Variants in PM20D1 observed in about 807,000 individuals in gnomAD.
PM20D1 encodes the protein peptidase M20 domain containing 1.
A neutral mutation model predicts 53.8 loss-of-function variants in PM20D1; 53 were observed. The observed-to-expected ratio is 0.98, with a 90% CI of 0.79 to 1.24. PM20D1 has a LOEUF of 1.24. Ranked by LOEUF, PM20D1 falls within the 50% of genes most tolerant of loss-of-function variation. The probability of loss-of-function intolerance (pLI) is 0.00; values close to 1 mark genes in which losing one functional copy is unlikely to be tolerated. For missense variants in PM20D1, 564 were observed against 616.8 expected, an observed-to-expected ratio of 0.91 and a Z score of 0.91; for synonymous variants, 239 against 241.3, an observed-to-expected ratio of 0.99 and a Z score of 0.09.
intron 2 of PM20D1, among the ~76,000 whole-genome samples, chr1:205,847,515 A>AC (rs1657017831): frequency 8.0e-6 from 1 of 124,664 alleles, no homozygotes; most frequent in African/African-American, 3.1e-5. Flanking sequence ...GTGTATATGT[A>AC]CCGGTGTGTT....
At chr1:205,830,515 A>T (rs935529209) in intron 11 of PM20D1, 136 bp from the exon 12 acceptor site, 11 of 606,858 alleles carry the variant, frequency 1.8e-5, no homozygotes, top group African/African-American at 3.7e-5. Flanking sequence ...CTGAAAGCGT[A>T]TAGCTATCCT....
intron 10 of PM20D1, among the ~76,000 whole-genome samples, chr1:205,838,990 C>G (rs77882782): frequency 0.01 from 1,543 of 152,332 alleles, 15 homozygotes; most frequent in South Asian, 0.03. Flanking sequence ...CTCTCTGTCT[C>G]CTTCTCTTCC....
At chr1:205,848,428 A>G (rs977424439) in intron 1 of PM20D1, among the ~76,000 whole-genome samples, 15 of 152,158 alleles carry the variant, frequency 9.9e-5, no homozygotes, top group African/African-American at 3.4e-4. Flanking sequence ...GTGTTTTTGT[A>G]TGTAAAGGCT....
intron 3 of PM20D1, 95 bp from the exon 4 acceptor site, chr1:205,844,992 G>A: frequency 9.7e-7 from 1 of 1,026,326 alleles, no homozygotes; most frequent in East Asian, 2.4e-5. Context: ...TATCAGGGCT[G>A]GTGGGATGAG....
chr1:205,843,976 G>A (rs962853868), intron 5 of PM20D1, 111 bp downstream of exon 5: 34 of 1,486,470 alleles, frequency 2.3e-5, no homozygotes, highest in South Asian at 1.2e-4. Flanking sequence ...CGATTAATGC[G>A]AGAGGTGTAC....
chr1:205,845,634 G>C (rs1656937263), intron 2 of PM20D1, 77 bp from the exon 3 acceptor site: 1 of 1,244,218 alleles, frequency 8.0e-7, no homozygotes, highest in South Asian at 1.4e-5. Flanking sequence ...TGTGCTTCCT[G>C]TTCCTTTATT....
Position 205,842,752 on chromosome 1 carries a change from C to G in PM20D1, c.828-1G>C. 1 of 1,613,880 alleles carries G rather than the reference C, an allele frequency of 6.2e-7. No homozygotes were observed. Among genetic ancestry groups the G allele is most frequent in the Non-Finnish European group, 8.5e-7 (1 of 1,179,996 alleles). On this transcript the variant is annotated splice_acceptor_variant, in intron 6 of 12. Coordinates refer to ENST00000367136, the MANE Select transcript of PM20D1 (RefSeq NM_152491.5). LOFTEE classifies it high-confidence loss of function. The stretch of plus-strand genomic sequence containing the variant: ...GATAGGCATTGGTGTCTGCTCCAAT[C>G]TGGAAGAGAAACAGAGTCCTCAAGA...
intron 7 of PM20D1, among the ~76,000 whole-genome samples, 186 bp downstream of exon 7, chr1:205,842,490 G>A (rs1656835184): frequency 6.6e-6 from 1 of 152,228 alleles, no homozygotes; most frequent in Non-Finnish European, 1.5e-5. Context: ...TAGGGTCTCA[G>A]AAACACACTA....
chr1:205,828,866 A>G lies in PM20D1; in HGVS notation c.1386-123T>C, dbSNP rs1656498840. On this transcript the variant is annotated intron_variant, in intron 12 of 12. Transcript: ENST00000367136. The stretch of plus-strand genomic sequence containing the variant: ...CGGAAACTACTGGCCCTCCAGGGCT[A>G]GGAAAGAGAGGGGCAAGGGAGGGGC... The G allele has an allele frequency of 1.1e-5, 14 of 1,294,618 alleles. No homozygotes were observed. In the South Asian group the frequency reaches 2.1e-4, roughly 19 times the overall value. The allele number at this position is 1,294,618 out of a possible 1,614,324, so 80.2% of individuals were successfully genotyped here.
rs1274443835 is a variant in PM20D1, at chr1:205,845,552, G to C, written c.262C>G (p.Pro88Ala). 10 of 1,613,290 alleles carry C rather than the reference G, an allele frequency of 6.2e-6. No homozygotes were observed. Among genetic ancestry groups the C allele is most frequent in the Non-Finnish European group, 8.5e-6 (10 of 1,179,304 alleles). ...EFGKYIHKVF[P>A]TVVSTSFIQH... ...ATAAAGCTGGTGCTGACCACTGTAGGAAAGACTAGAAGCAAAAAGGGCAGG... is the reference window on the plus strand; with the variant it reads ...ATAAAGCTGGTGCTGACCACTGTAGCAAAGACTAGAAGCAAAAAGGGCAGG... Residue 88 changes from proline to alanine, a missense_variant, in exon 3 of 13, where the codon CCT becomes GCT. Pro to Ala is a conservative substitution (Grantham distance 27). Coordinates refer to ENST00000367136, the MANE Select transcript of PM20D1 (RefSeq NM_152491.5).
Position 205,845,520 on chromosome 1 carries a change from A to ATGC in PM20D1, c.291_293dup (p.Gln97dup). ...GGTGGCTATACTCTTCCACGACTTC[A>ATGC]TGCTGGATAAAGCTGGTGCTGACCA... On this transcript the variant is annotated inframe_insertion, in exon 3 of 13. Transcript: ENST00000367136. The ATGC allele has an allele frequency of 6.2e-7, 1 of 1,614,230 alleles. No homozygotes were observed. Among genetic ancestry groups the ATGC allele is most frequent in the Non-Finnish European group, 8.5e-7 (1 of 1,180,032 alleles).
Position 205,847,904 on chromosome 1 carries a change from G to C in PM20D1, c.237C>G (p.Phe79Leu), listed in dbSNP as rs779931686. 15 of 1,595,380 alleles carry C rather than the reference G, an allele frequency of 9.4e-6. No individual in the cohort carries two copies. Among genetic ancestry groups the C allele is most frequent in the Non-Finnish European group, 1.3e-5 (15 of 1,164,902 alleles). The change falls in exon 2 of 13, where the codon TTC (phenylalanine) becomes TTG (leucine). Residue 79 changes from phenylalanine (F) to leucine (L), a missense_variant. By Grantham distance (22) the Phe-to-Leu change is conservative. Transcript: ENST00000367136. Reference protein sequence around the residue: ...EKSNTTALAEFGKYIHKVFPT... With the variant: ...EKSNTTALAELGKYIHKVFPT... ...GCTGACCTTTATGAATGTATTTTCC[G>C]AACTCAGCCAGGGCTGTAGTATTGG...
At position 205,832,682 on chromosome 1, in the gene PM20D1, G is replaced by A; in HGVS notation, c.1201C>T (p.Pro401Ser). The change falls in exon 11 of 13, where the codon CCT becomes TCT. Residue 401 changes from proline to serine, a missense_variant. Pro to Ser is a moderately conservative substitution (Grantham distance 74). Coordinates refer to ENST00000367136, the MANE Select transcript of PM20D1 (RefSeq NM_152491.5). ...TAGCCCAAGGCCTTGTCATCAGAAG[G>A]GCTGACGGGGAGGGGGTCAAAGGCA... is the stretch of plus-strand genomic sequence containing the variant. ...LSAFDPLPVS[P>S]SDDKALGYQL... is the part of the protein sequence containing the mutation. The A allele has an allele frequency of 6.2e-7, 1 of 1,614,124 alleles. No homozygotes were observed. Among genetic ancestry groups the A allele is most frequent in the Non-Finnish European group, 8.5e-7 (1 of 1,180,010 alleles).
Position 205,842,172 on chromosome 1 carries a change from A to G in PM20D1, c.947T>C (p.Phe316Ser), listed in dbSNP as rs142171228. The G allele has an allele frequency of 2.0e-5, 33 of 1,613,102 alleles. 1 individual carries two copies. The highest frequency in any genetic ancestry group is 3.3e-5 in the Admixed American group (2 of 60,000). ...ACTTTACCTGCTTATAAGTGGTTCA[A>G]ATAGCCATGGGTTGCTCAGGATTAT... The part of the protein sequence containing the change: ...VNIILSNPWL[F>S]EPLISRFMER... Residue 316 changes from phenylalanine (F) to serine (S), a missense_variant, in exon 8 of 13, where the codon TTT (phenylalanine) becomes TCT (serine). Transcript: ENST00000367136.
At chr1:205,845,291 G>A in intron 3 of PM20D1, 34 bp downstream of exon 3, 1 of 1,594,416 alleles carries the variant, frequency 6.3e-7, no homozygotes, top group African/African-American at 1.3e-5. Context: ...TGATCTTTAG[G>A]GCCCCAAGGC....
chr1:205,835,764 A>C (rs1157660800), intron 10 of PM20D1, among the ~76,000 whole-genome samples: 1 of 151,360 alleles, frequency 6.6e-6, no homozygotes, highest in Admixed American at 6.6e-5. Flanking sequence ...TAGAGGGACC[A>C]CCTTGGGCAA....
At chr1:205,844,626 G>A (rs923202282) in intron 4 of PM20D1, among the ~76,000 whole-genome samples, 185 bp downstream of exon 4, 1 of 152,222 alleles carries the variant, frequency 6.6e-6, no homozygotes, top group African/African-American at 2.4e-5. Flanking sequence ...CTAGGGCACA[G>A]GGCCCAGGAA....
chr1:205,846,199 C>T (rs1366414805), intron 2 of PM20D1, among the ~76,000 whole-genome samples: 2 of 151,754 alleles, frequency 1.3e-5, no homozygotes, highest in Admixed American at 1.3e-4. Context: ...CAGCCTGGCC[C>T]ACATGGTGAA....
chr1:205,839,067 C>A (rs911781645), intron 10 of PM20D1, among the ~76,000 whole-genome samples: 8 of 152,216 alleles, frequency 5.3e-5, no homozygotes, highest in Non-Finnish European at 1.0e-4. Flanking sequence ...TGGTTGAAGA[C>A]CTCTAAAAGT....
Sources: gnomAD v4.1 joint callset for allele counts (sites outside exome capture counted in the v4.1 genomes callset) on GRCh38, gnomAD v4.1.1 for gene constraint, MANE v1.5 for transcripts, NCBI Gene and HGNC (gene_info 2026-07-23, HGNC 2026-07-21) for gene names.